ETV3: variants seen among roughly 807,000 people sequenced by gnomAD.
ETV3 encodes the protein ETS translocation variant 3.
A neutral mutation model predicts 33.0 loss-of-function variants in ETV3; 8 were observed. That is an observed-to-expected ratio of 0.24 (90% CI 0.14 to 0.44). The LOEUF (loss-of-function observed/expected upper bound fraction) is 0.44. ETV3 is among the 20% of genes least tolerant of loss of function. The probability of loss-of-function intolerance (pLI) is 1.00; values close to 1 mark genes in which losing one functional copy is unlikely to be tolerated. For missense variants in ETV3, 473 were observed against 652.3 expected (o/e 0.73, Z 2.99); for synonymous variants, 222 against 238.9 (o/e 0.93, Z 0.65).
In ETV3 at chr1:157,136,392, T is replaced by C. The variant is rs771578547; in HGVS notation, c.-13-27A>G. On this transcript the variant is annotated intron_variant, in intron 1 of 4. Coordinates refer to ENST00000368192, the MANE Select transcript of ETV3 (RefSeq NM_001145312.3). ...TGAGAGACACAAGCCACACAATTAC[T>C]TTAAGATGCTATTTATTTAGTATCC... 5.7e-6 allele frequency: 9 copies of C among 1,582,694 alleles called. No homozygotes were observed. In the South Asian group the frequency reaches 1.0e-4, roughly 18 times the overall value.
chr1:157,136,082 G>A (rs747173612), intron 2 of ETV3, among the ~76,000 whole-genome samples: 2 of 152,200 alleles, frequency 1.3e-5, no homozygotes, highest in Non-Finnish European at 2.9e-5. Context: ...TTGGAACTGT[G>A]TCTCTGACAG....
chr1:157,125,846 G>C lies in ETV3; in HGVS notation c.534C>G (p.Gly178=). The stretch of plus-strand genomic sequence containing the variant: ...TATCAGTACCATTACTGGACTCCTG[G>C]CCAGAAGCAGTTAGGGAGCTAGCAG... The part of the protein sequence containing the change: ...RFSASSLTAS[G]QESSNGTDRK... Residue 178 remains glycine, a synonymous_variant, in exon 5 of 5, where the codon GGC becomes GGG. Coordinates refer to ENST00000368192, the MANE Select transcript of ETV3 (RefSeq NM_001145312.3). The surrounding 1 kb of genome is among the most constrained non-coding windows in gnomAD (Gnocchi z 4.0). 6.4e-7 allele frequency: 1 copy of C among 1,551,668 alleles called. No individual in the cohort carries two copies. The highest frequency in any genetic ancestry group is 8.7e-7 in the Non-Finnish European group (1 of 1,146,988).
At chr1:157,131,478 A>G (rs543780226) in intron 4 of ETV3, among the ~76,000 whole-genome samples, 15 of 152,192 alleles carry the variant, frequency 9.9e-5, no homozygotes, top group Admixed American at 2.0e-4. Flanking sequence ...CTCCTGCTAA[A>G]CTGTAAGTTC....
At chr1:157,134,897 C>T (rs1373454007) in intron 3 of ETV3, among the ~76,000 whole-genome samples, 1 of 152,184 alleles carries the variant, frequency 6.6e-6, no homozygotes, top group African/African-American at 2.4e-5. Flanking sequence ...CTTCTAGCCC[C>T]TTGAGGGCTA....
chr1:157,134,239 G>C lies in ETV3; in HGVS notation c.285-12C>G. 1.2e-6 allele frequency: 2 copies of C among 1,610,246 alleles called. No individual in the cohort carries two copies. Among genetic ancestry groups the C allele is most frequent in the East Asian group, 4.5e-5 (2 of 44,818 alleles). ...TGTTGTAATAGTATCTGTAAAAACAGGAATACATGTCCATTCGTCTTGTAG... is the reference window on the plus strand; with the variant it reads ...TGTTGTAATAGTATCTGTAAAAACACGAATACATGTCCATTCGTCTTGTAG... On this transcript the variant is annotated splice_polypyrimidine_tract_variant and intron_variant, in intron 3 of 4. Coordinates refer to ENST00000368192, the MANE Select transcript of ETV3 (RefSeq NM_001145312.3).
intron 1 of ETV3, among the ~76,000 whole-genome samples, chr1:157,137,258 C>A (rs1413559384): frequency 6.6e-6 from 1 of 152,208 alleles, no homozygotes; most frequent in Middle Eastern, 3.4e-3. Flanking sequence ...GATCTACCCT[C>A]GCTGTTCCCC....
Position 157,125,544 on chromosome 1 carries a change from G to A in ETV3, c.836C>T (p.Ser279Leu), listed in dbSNP as rs1228740609. 1 of 1,552,076 alleles carries A rather than the reference G, an allele frequency of 6.4e-7. No homozygotes were observed. Among genetic ancestry groups the A allele is most frequent in the Non-Finnish European group, 8.7e-7 (1 of 1,147,068 alleles). The change falls in exon 5 of 5, where the codon TCA (serine) becomes TTA (leucine). Residue 279 changes from serine to leucine, a missense_variant. Transcript: ENST00000368192. This position sits in a 1 kb window ranked among gnomAD's most constrained non-coding sequence, Gnocchi z 4.0. The part of the protein sequence containing the change: ...LTPTIFSYSP[S>L]PGLSPFTSSS... ...GCTGGTGAAAGGGCTCAGGCCTGGTGATGGGCTATAGGAGAAGATGGTGGG... is the reference window on the plus strand; with the variant it reads ...GCTGGTGAAAGGGCTCAGGCCTGGTAATGGGCTATAGGAGAAGATGGTGGG...
In ETV3 at chr1:157,135,701, C is replaced by T. The variant is rs1330199374; in HGVS notation, c.54G>A (p.Gln18=). The T allele has an allele frequency of 2.5e-6, 4 of 1,614,088 alleles. No individual in the cohort carries two copies. The highest frequency in any genetic ancestry group is 3.4e-6 in the Non-Finnish European group (4 of 1,180,040). Residue 18 remains glutamine (Q), a synonymous_variant, in exon 3 of 5, where the codon CAG becomes CAA. Coordinates refer to ENST00000368192, the MANE Select transcript of ETV3 (RefSeq NM_001145312.3). The stretch of plus-strand genomic sequence containing the variant: ...CTGTTTTGTAGGCCCAGTCAGGAAA[C>T]TGATACCCTTTCATGTGAGAAGGTC... ...VEKPEGGGGY[Q]FPDWAYKTES...
intron 4 of ETV3, chr1:157,128,479 A>G: frequency 3.3e-6 from 1 of 306,280 alleles, no homozygotes; most frequent in Non-Finnish European, 6.6e-6. Flanking sequence ...TTTGGGTGGA[A>G]GACAGGTCAG....
At chr1:157,136,400 G>T in intron 1 of ETV3, 35 bp from the exon 2 acceptor site, 1 of 1,571,920 alleles carries the variant, frequency 6.4e-7, no homozygotes, top group Non-Finnish European at 8.6e-7. Context: ...ACTTTAAGAT[G>T]CTATTTATTT....
Position 157,125,258 on chromosome 1 carries a change from A to C in ETV3, c.1122T>G (p.Ala374=). The C allele has an allele frequency of 6.4e-7, 1 of 1,552,174 alleles. No individual in the cohort carries two copies. Among genetic ancestry groups the C allele is most frequent in the African/African-American group, 1.4e-5 (1 of 73,172 alleles). Residue 374 remains alanine (A), a synonymous_variant, in exon 5 of 5, where the codon GCT becomes GCG. Coordinates refer to ENST00000368192, the MANE Select transcript of ETV3 (RefSeq NM_001145312.3). This position sits in a 1 kb window ranked among gnomAD's most constrained non-coding sequence, Gnocchi z 4.0. ...CCACCTTGATTCTTGGGGGAATAGA[A>C]GCCATGGTGGGCGTGGTGACTGGTG... ...ESAPVTTPTM[A]SIPPRIKVEP...
rs1224240020 is a variant in ETV3, at chr1:157,121,553, CAAATT to C, written c.*3283_*3287del. On this transcript the variant is annotated 3_prime_UTR_variant, in exon 5 of 5. Transcript: ENST00000368192. ...CAAAGAATGCTTAAATATCTCAAAA[CAAATT>C]AACTGGTAACTTTTTATCCCCCTAA... The C allele has an allele frequency of 6.6e-6, 1 of 152,134 alleles. No individual in the cohort carries two copies. Among genetic ancestry groups the C allele is most frequent in the Admixed American group, 6.5e-5 (1 of 15,268 alleles). 9.4% of individuals were successfully genotyped at this position (152,134 alleles called of 1,614,324 possible).
intron 4 of ETV3, among the ~76,000 whole-genome samples, chr1:157,130,072 G>A (rs781741796): frequency 6.6e-6 from 1 of 152,068 alleles, no homozygotes; most frequent in Non-Finnish European, 1.5e-5. Context: ...TTGAACACCT[G>A]ACCTCGTGAT....
At chr1:157,136,474 C>T (rs542778206) in intron 1 of ETV3, 109 bp from the exon 2 acceptor site, 37 of 928,340 alleles carry the variant, frequency 4.0e-5, no homozygotes, top group South Asian at 3.5e-4. Flanking sequence ...TTCTTCTTTC[C>T]GTATGCAACT....
intron 4 of ETV3, among the ~76,000 whole-genome samples, chr1:157,126,906 G>A (rs113279761): frequency 6.9e-6 from 1 of 145,232 alleles, no homozygotes. Context: ...GCTGACTGTG[G>A]GGAGGGGCAG....
At position 157,125,316 on chromosome 1, in the gene ETV3, T is replaced by C; in HGVS notation, c.1064A>G (p.Asn355Ser). The change falls in exon 5 of 5, where the codon AAC becomes AGC. Residue 355 changes from asparagine (N) to serine (S), a missense_variant. Around this residue, in one of 3 missense-constraint regions of ETV3, gnomAD observed 410 missense variants for 520.2 expected, o/e 0.79. Coordinates refer to ENST00000368192, the MANE Select transcript of ETV3 (RefSeq NM_001145312.3). The surrounding 1 kb of genome is among the most constrained non-coding windows in gnomAD (Gnocchi z 4.0). ...KLQPPPVGRK[N>S]RERVESSEES... ...CTCGCTGCTCTCAACCCTCTCCCGG[T>C]TCTTCCGCCCAACTGGTGGGGGCTG... is the stretch of plus-strand genomic sequence containing the variant. 1.3e-6 allele frequency: 2 copies of C among 1,552,020 alleles called. No homozygotes were observed. The highest frequency in any genetic ancestry group is 2.4e-5 in the South Asian group (2 of 84,064).
Position 157,124,156 on chromosome 1 carries a change from A to G in ETV3, c.*685T>C, listed in dbSNP as rs1418731663. 1 of 150,544 alleles carries G rather than the reference A, an allele frequency of 6.6e-6. No individual in the cohort carries two copies. The highest frequency in any genetic ancestry group is 2.4e-5 in the African/African-American group (1 of 40,856). 9.3% of individuals were successfully genotyped at this position (150,544 alleles called of 1,614,324 possible). A position where few individuals can be genotyped will look rare whatever the true frequency, so the allele number is the denominator to read the frequency against. ...GCTCCTGTGCCTTCCCAGCCCCACT[A>G]TAATTGGCAGTATGTTTGTTCATGT... is the stretch of plus-strand genomic sequence containing the variant. On this transcript the variant is annotated 3_prime_UTR_variant, in exon 5 of 5. Coordinates refer to ENST00000368192, the MANE Select transcript of ETV3 (RefSeq NM_001145312.3).
At chr1:157,128,043 A>C (rs1262195652) in intron 4 of ETV3, among the ~76,000 whole-genome samples, 2 of 152,172 alleles carry the variant, frequency 1.3e-5, no homozygotes, top group Admixed American at 1.3e-4. Context: ...AAAAAAACAA[A>C]ATTTTAAGTA....
chr1:157,126,914 C>A (rs1332872348), intron 4 of ETV3, among the ~76,000 whole-genome samples: 4 of 145,564 alleles, frequency 2.7e-5, no homozygotes, highest in Admixed American at 2.7e-4. Context: ...TGGGGAGGGG[C>A]AGAGCTGCCC....
Sources: gnomAD v4.1 joint callset for allele counts (sites outside exome capture counted in the v4.1 genomes callset) on GRCh38, gnomAD v4.1.1 for gene constraint, gnomAD v4.1.1 regional missense constraint, Gnocchi (gnomAD v3.1) non-coding constraint, MANE v1.5 for transcripts, NCBI Gene and HGNC (gene_info 2026-07-23, HGNC 2026-07-21) for gene names.